Variants in CHRDL2 observed in about 807,000 individuals in gnomAD.
The protein encoded by CHRDL2 is chordin like 2.
Under a neutral mutation model 54.3 loss-of-function variants are expected in CHRDL2, and 41 were observed. That is an observed-to-expected ratio of 0.76 (90% CI 0.59 to 0.98). The LOEUF (loss-of-function observed/expected upper bound fraction) is 0.98, where lower values mean the gene tolerates loss of function less well. CHRDL2 is among the 50% of genes least tolerant of loss of function. The probability of loss-of-function intolerance (pLI) is 0.00; values close to 1 mark genes in which losing one functional copy is unlikely to be tolerated. For synonymous variants in CHRDL2, 220 were observed against 224.3 expected (o/e 0.98, Z 0.17); for missense variants, 518 against 562.4 (o/e 0.92, Z 0.80).
At chr11:74,709,710 G>C (rs2034122889) in intron 4 of CHRDL2, among the ~76,000 whole-genome samples, 1 of 152,218 alleles carries the variant, frequency 6.6e-6, no homozygotes, top group African/African-American at 2.4e-5. Flanking sequence ...GAAGTGACTT[G>C]TTTGAGGTCA....
chr11:74,716,479 G>A (rs1295821530), intron 2 of CHRDL2, among the ~76,000 whole-genome samples: 1 of 145,768 alleles, frequency 6.9e-6, no homozygotes. Flanking sequence ...AGGTTGCAGT[G>A]AGCCAAGATT....
At chr11:74,709,075 T>A (rs1193003232) in intron 4 of CHRDL2, among the ~76,000 whole-genome samples, 2 of 152,244 alleles carry the variant, frequency 1.3e-5, no homozygotes, top group South Asian at 2.1e-4. Flanking sequence ...GACCTTTCCC[T>A]GTTCCCTTTC....
Position 74,702,867 on chromosome 11 carries a change from G to T in CHRDL2, c.1047C>A (p.Asp349Glu). The T allele has an allele frequency of 6.2e-7, 1 of 1,614,208 alleles. No individual in the cohort carries two copies. The highest frequency in any genetic ancestry group is 1.3e-5 in the African/African-American group (1 of 75,052). Reference protein sequence around the residue: ...LVHTSVSPSPDNLRRFALEHE... With the variant: ...LVHTSVSPSPENLRRFALEHE... ...GTTCCAGGGCAAAGCGACGCAGGTT[G>T]TCTGGGCTTGGGGATACCGATGTGT... The change falls in exon 9 of 11, where the codon GAC becomes GAA. Residue 349 changes from aspartate (D) to glutamate (E), a missense_variant. Asp to Glu is a conservative substitution (Grantham distance 45). Transcript: ENST00000376332.
At chr11:74,723,271 G>A (rs910520056) in intron 1 of CHRDL2, among the ~76,000 whole-genome samples, 5 of 152,180 alleles carry the variant, frequency 3.3e-5, no homozygotes, top group Non-Finnish European at 5.9e-5. Flanking sequence ...GAACACATAC[G>A]TGAGTGTGCG....
At chr11:74,726,840 T>C (rs1156320215) in intron 1 of CHRDL2, among the ~76,000 whole-genome samples, 2 of 152,140 alleles carry the variant, frequency 1.3e-5, no homozygotes, top group East Asian at 3.9e-4. Context: ...GGCCTTCACT[T>C]AGGTGCTCCC....
At chr11:74,703,751 A>G (rs79127059) in intron 7 of CHRDL2, among the ~76,000 whole-genome samples, 386 of 152,372 alleles carry the variant, frequency 2.5e-3, no homozygotes, top group Middle Eastern at 0.017. Context: ...CTCACCCTTC[A>G]GGGCACTTCT....
chr11:74,714,357 G>T lies in CHRDL2; in HGVS notation c.196-878C>A, dbSNP rs185578463. 4.6e-5 allele frequency among the ~76,000 whole-genome samples: 7 copies of T among 152,300 alleles called. No homozygotes were observed. In the East Asian group the frequency reaches 1.4e-3, roughly 29 times the overall value. ...AATAAATGAGAGTAAGGAAAGGAGG[G>T]GTTGATGGTCCTCTCCTAGATGAAG... On this transcript the variant is annotated intron_variant, in intron 2 of 10. Coordinates refer to ENST00000376332, the MANE Select transcript of CHRDL2 (RefSeq NM_001278473.3).
chr11:74,722,447 C>G (rs1272451817), intron 1 of CHRDL2, among the ~76,000 whole-genome samples: 1 of 152,136 alleles, frequency 6.6e-6, no homozygotes, highest in Non-Finnish European at 1.5e-5. Context: ...TTAAATGGAA[C>G]TAATAACAAT....
rs376221805 is a variant in CHRDL2, at chr11:74,702,860, G to A, written c.1054C>T (p.Arg352Cys). ...GCCTCGTGTTCCAGGGCAAAGCGAC[G>A]CAGGTTGTCTGGGCTTGGGGATACC... is the stretch of plus-strand genomic sequence containing the variant. ...TSVSPSPDNL[R>C]RFALEHEASD... Residue 352 changes from arginine (R) to cysteine (C), a missense_variant, in exon 9 of 11, where the codon CGT (arginine) becomes TGT (cysteine). Coordinates refer to ENST00000376332, the MANE Select transcript of CHRDL2 (RefSeq NM_001278473.3). 104 of 1,614,182 alleles carry A rather than the reference G, an allele frequency of 6.4e-5. No individual in the cohort carries two copies. Among genetic ancestry groups the A allele is most frequent in the Middle Eastern group, 1.6e-4 (1 of 6,062 alleles).
At chr11:74,730,160 T>G (rs945119310) in intron 1 of CHRDL2, among the ~76,000 whole-genome samples, 5 of 152,138 alleles carry the variant, frequency 3.3e-5, no homozygotes, top group African/African-American at 1.2e-4. Context: ...CGCTGGTCTA[T>G]CTCACTGTGC....
At chr11:74,703,753 G>A (rs2135240838) in intron 7 of CHRDL2, among the ~76,000 whole-genome samples, 1 of 152,354 alleles carries the variant, frequency 6.6e-6, no homozygotes, top group Middle Eastern at 3.4e-3. Flanking sequence ...CACCCTTCAG[G>A]GCACTTCTGC....
In CHRDL2 at chr11:74,697,361, C is replaced by T. The variant is rs1165458259; in HGVS notation, c.1121-64G>A. On this transcript the variant is annotated intron_variant, in intron 9 of 10. Transcript: ENST00000376332. ...AACCTACAGTCGGTGAAAAGTGAAA[C>T]AGGGTGACTTAGCACAGAACGGACC... 4.9e-6 allele frequency: 6 copies of T among 1,216,234 alleles called. No homozygotes were observed. The African/African-American group carries it at 7.4e-5, about 15-fold the overall frequency. The allele number at this position is 1,216,234 out of a possible 1,614,324, so 75.3% of individuals were successfully genotyped here. A position where few individuals can be genotyped will look rare whatever the true frequency, so the allele number is the denominator to read the frequency against.
chr11:74,707,909 T>C (rs781478347), intron 5 of CHRDL2, among the ~76,000 whole-genome samples: 4 of 152,132 alleles, frequency 2.6e-5, no homozygotes, highest in Non-Finnish European at 5.9e-5. Flanking sequence ...GGAGAGATAG[T>C]TGGTGGCTGG....
chr11:74,700,616 CTT>C (rs150669615), intron 9 of CHRDL2, among the ~76,000 whole-genome samples: 28 of 145,796 alleles, frequency 1.9e-4, no homozygotes, highest in Admixed American at 2.7e-4. Flanking sequence ...CTGATGGAAT[CTT>C]TTTTTTATTA....
chr11:74,726,126 G>C (rs1289727492), intron 1 of CHRDL2, among the ~76,000 whole-genome samples: 1 of 152,196 alleles, frequency 6.6e-6, no homozygotes, highest in African/African-American at 2.4e-5. Context: ...CCTCTAGGGA[G>C]AGAACTATCA....
Position 74,697,224 on chromosome 11 carries a change from CAG to C in CHRDL2, c.1192_1193del (p.Leu398AlafsTer36). 6.2e-7 allele frequency: 1 copy of C among 1,613,806 alleles called. No homozygotes were observed. Among genetic ancestry groups the C allele is most frequent in the Non-Finnish European group, 8.5e-7 (1 of 1,179,890 alleles). On this transcript the variant is annotated frameshift_variant, in exon 10 of 11. Transcript: ENST00000376332. LOFTEE classifies it high-confidence loss of function. ...DFQKEAQHFR[L>X]LAGPHEGHWN... ...TCCTACCTTCGTGGGGGCCAGCGAG[CAG>C]TCGGAAGTGCTGTGCCTCTTTCTGG... is the stretch of plus-strand genomic sequence containing the variant.
At chr11:74,713,625 G>C (rs140643839) in intron 2 of CHRDL2, 146 bp from the exon 3 acceptor site, 2 of 645,042 alleles carry the variant, frequency 3.1e-6, no homozygotes, top group Non-Finnish European at 5.4e-6. Context: ...AAGTGTGCCC[G>C]GTTCCTCCCC....
chr11:74,719,123 T>C (rs2034442308), intron 1 of CHRDL2: 1 of 343,248 alleles, frequency 2.9e-6, no homozygotes, highest in African/African-American at 2.1e-5. Flanking sequence ...GCTGTACAGA[T>C]TTATATCATG....
chr11:74,713,000 TG>T (rs1227183741), intron 3 of CHRDL2, among the ~76,000 whole-genome samples: 1 of 152,160 alleles, frequency 6.6e-6, no homozygotes, highest in Non-Finnish European at 1.5e-5. Flanking sequence ...GTGGTAATTC[TG>T]GGGTCTCCCC....
Sources: allele counts gnomAD v4.1 joint callset (sites outside exome capture counted in the v4.1 genomes callset), GRCh38; gene constraint gnomAD v4.1.1; transcripts MANE v1.5; gene names NCBI Gene and HGNC (gene_info 2026-07-23, HGNC 2026-07-21).